KCNB2: variants seen among roughly 807,000 people sequenced by gnomAD.
The protein encoded by KCNB2 is delayed rectifier potassium channel protein.
In KCNB2, 15 loss-of-function variants were observed where a neutral mutation model predicts 61.5. The observed-to-expected ratio is 0.24, with a 90% confidence interval of 0.16 to 0.38. The LOEUF is 0.38. KCNB2 is among the 10% of genes least tolerant of loss of function. The probability of loss-of-function intolerance (pLI) is 1.00; values close to 1 mark genes in which losing one functional copy is unlikely to be tolerated. For synonymous variants in KCNB2, 457 were observed against 446.0 expected (o/e 1.02, Z -0.31); for missense variants, 828 against 1,125.2 (o/e 0.74, Z 3.78).
chr8:72,780,932 G>A lies in KCNB2; in HGVS notation c.580-155003G>A, dbSNP rs923734298. Among the ~76,000 whole-genome samples the A allele has an allele frequency of 1.5e-4, 23 of 152,092 alleles. 1 individual carries two copies. The highest frequency in any genetic ancestry group is 1.5e-3 in the Admixed American group (23 of 15,274). ...ATCATCATTCTGACTGAAGTCAGATGGTATCTCATTGTGGTTTTGATTTGC... is the reference window on the plus strand; with the variant it reads ...ATCATCATTCTGACTGAAGTCAGATAGTATCTCATTGTGGTTTTGATTTGC... On this transcript the variant is annotated intron_variant, in intron 2 of 2. Coordinates refer to ENST00000523207, the MANE Select transcript of KCNB2 (RefSeq NM_004770.3).
At chr8:72,623,976 G>T (rs749272174) in intron 2 of KCNB2, among the ~76,000 whole-genome samples, 14 of 152,084 alleles carry the variant, frequency 9.2e-5, no homozygotes, top group Non-Finnish European at 1.6e-4. Flanking sequence ...AGTGCTTCCT[G>T]ATCGGTGCAT....
intron 2 of KCNB2, among the ~76,000 whole-genome samples, chr8:72,873,281 A>G (rs6472710): frequency 0.074 from 11,228 of 152,280 alleles, 1,371 homozygotes; most frequent in African/African-American, 0.25. Flanking sequence ...AGGCTGCTTC[A>G]TTGGTGAACG....
intron 2 of KCNB2, among the ~76,000 whole-genome samples, chr8:72,716,102 A>G (rs1470369224): frequency 6.6e-6 from 1 of 152,234 alleles, no homozygotes; most frequent in Non-Finnish European, 1.5e-5. Flanking sequence ...CCCTCCCAAG[A>G]CTAAACAAGG....
At chr8:72,579,580 C>G (rs11784901) in intron 2 of KCNB2, among the ~76,000 whole-genome samples, 1 of 152,036 alleles carries the variant, frequency 6.6e-6, no homozygotes, top group African/African-American at 2.4e-5. Context: ...TCCCTTAATC[C>G]GTGAACTCGG....
intron 2 of KCNB2, among the ~76,000 whole-genome samples, chr8:72,740,792 C>T (rs1001440562): frequency 6.6e-6 from 1 of 152,172 alleles, no homozygotes; most frequent in Non-Finnish European, 1.5e-5. Context: ...CTTCCAACTA[C>T]AATCAAGCAT....
chr8:72,731,733 G>A (rs991610168), intron 2 of KCNB2, among the ~76,000 whole-genome samples: 2 of 152,206 alleles, frequency 1.3e-5, no homozygotes, highest in African/African-American at 4.8e-5. Context: ...AAATGAAGAG[G>A]AGAGAAAAAC....
chr8:72,623,386 A>G (rs1036969882), intron 2 of KCNB2, among the ~76,000 whole-genome samples: 7 of 152,104 alleles, frequency 4.6e-5, no homozygotes, highest in Admixed American at 4.6e-4. Flanking sequence ...AGAGGGAGAT[A>G]CCTCTGAGCC....
At chr8:72,804,397 G>T (rs1386819751) in intron 2 of KCNB2, among the ~76,000 whole-genome samples, 1 of 152,064 alleles carries the variant, frequency 6.6e-6, no homozygotes, top group African/African-American at 2.4e-5. Flanking sequence ...GTATCATCAG[G>T]ATATGAAAAC....
intron 2 of KCNB2, among the ~76,000 whole-genome samples, chr8:72,934,467 A>G (rs1000177824): frequency 3.3e-5 from 5 of 152,016 alleles, no homozygotes; most frequent in African/African-American, 1.2e-4. Flanking sequence ...ATAACCCAGA[A>G]GTGGAGAAAT....
intron 2 of KCNB2, among the ~76,000 whole-genome samples, chr8:72,763,285 A>G (rs1184950793): frequency 1.3e-5 from 2 of 151,370 alleles, no homozygotes; most frequent in African/African-American, 4.9e-5. Flanking sequence ...GGCCCAACTG[A>G]CACCTAAGAA....
chr8:72,674,113 T>C (rs1488645117), intron 2 of KCNB2, among the ~76,000 whole-genome samples: 1 of 152,182 alleles, frequency 6.6e-6, no homozygotes, highest in Admixed American at 6.5e-5. Flanking sequence ...GGTGTGATAG[T>C]GATAAGGGCA....
At chr8:72,615,896 T>A (rs925231392) in intron 2 of KCNB2, among the ~76,000 whole-genome samples, 1 of 152,226 alleles carries the variant, frequency 6.6e-6, no homozygotes, top group Non-Finnish European at 1.5e-5. Flanking sequence ...TATCATAACT[T>A]GCTTTGATAA....
In KCNB2 at chr8:72,758,703, C is replaced by T. The variant is rs149114992; in HGVS notation, c.580-177232C>T. 1.4e-3 allele frequency among the ~76,000 whole-genome samples: 209 copies of T among 152,224 alleles called. 1 individual carries two copies. The highest frequency in any genetic ancestry group is 1.8e-3 in the Non-Finnish European group (122 of 68,018). On this transcript the variant is annotated intron_variant, in intron 2 of 2. Coordinates refer to ENST00000523207, the MANE Select transcript of KCNB2 (RefSeq NM_004770.3). ...TGTTGAACGGTTATCAGGCAGATAG[C>T]GAGGTAGCTGAAGTTCTAGCGGTAC...
chr8:72,685,097 T>G (rs1307633651), intron 2 of KCNB2, among the ~76,000 whole-genome samples: 1 of 152,222 alleles, frequency 6.6e-6, no homozygotes, highest in Non-Finnish European at 1.5e-5. Context: ...GCACAAATGT[T>G]GGATTTAAGA....
intron 2 of KCNB2, among the ~76,000 whole-genome samples, chr8:72,855,874 T>C (rs1810198850): frequency 6.6e-6 from 1 of 152,188 alleles, no homozygotes; most frequent in Non-Finnish European, 1.5e-5. Context: ...TTATATAACG[T>C]GGTATAGTAT....
intron 2 of KCNB2, among the ~76,000 whole-genome samples, chr8:72,737,674 T>C (rs1807871592): frequency 6.6e-6 from 1 of 152,182 alleles, no homozygotes; most frequent in Admixed American, 6.6e-5. Flanking sequence ...TTATTAGTAC[T>C]AACTAGTAGT....
intron 2 of KCNB2, among the ~76,000 whole-genome samples, chr8:72,793,726 GT>G (rs769269441): frequency 4.6e-5 from 7 of 152,180 alleles, no homozygotes; most frequent in Non-Finnish European, 1.0e-4. Context: ...TCTGTTAACA[GT>G]TGTGTACTGT....
chr8:72,733,355 C>T (rs1186362549), intron 2 of KCNB2, among the ~76,000 whole-genome samples: 2 of 151,968 alleles, frequency 1.3e-5, no homozygotes, highest in Admixed American at 1.3e-4. Flanking sequence ...TGACATACTC[C>T]ACCTCAACCA....
intron 2 of KCNB2, among the ~76,000 whole-genome samples, chr8:72,797,820 T>C (rs1480182592): frequency 1.3e-5 from 2 of 152,192 alleles, no homozygotes; most frequent in African/African-American, 4.8e-5. Flanking sequence ...CCCATGGATG[T>C]CTTTTTGGAG....
Sources: gnomAD v4.1 joint callset for allele counts (sites outside exome capture counted in the v4.1 genomes callset) on GRCh38, gnomAD v4.1.1 for gene constraint, MANE v1.5 for transcripts, NCBI Gene and HGNC (gene_info 2026-07-23, HGNC 2026-07-21) for gene names.